Variants in TNIK observed in about 807,000 individuals in gnomAD.
TNIK encodes TRAF2 and NCK interacting kinase.
A neutral mutation model predicts 191.3 loss-of-function variants in TNIK; 49 were observed. The observed-to-expected ratio is 0.26, with a 90% CI of 0.20 to 0.32. The LOEUF (loss-of-function observed/expected upper bound fraction) is 0.32, where lower values mean the gene tolerates loss of function less well. Ranked by LOEUF, TNIK falls within the 10% of genes least tolerant of loss-of-function variation. TNIK has a pLI of 1.00. For missense variants in TNIK, 1,155 were observed against 1,702.3 expected (o/e 0.68, Z 5.66); for synonymous variants, 594 against 600.9 (o/e 0.99, Z 0.17).
chr3:171,093,225 G>T (rs1415608979), intron 23 of TNIK, among the ~76,000 whole-genome samples: 1 of 152,140 alleles, frequency 6.6e-6, no homozygotes, highest in African/African-American at 2.4e-5. Flanking sequence ...GTTACTGCAT[G>T]TCAGAAGGAC....
chr3:171,409,308 T>C (rs983841303), intron 1 of TNIK, among the ~76,000 whole-genome samples: 3 of 152,144 alleles, frequency 2.0e-5, no homozygotes, highest in African/African-American at 7.2e-5. Flanking sequence ...GGGGTGAAAC[T>C]TGCCTAACAA....
chr3:171,127,934 C>T (rs925872843), intron 16 of TNIK, among the ~76,000 whole-genome samples: 6 of 152,218 alleles, frequency 3.9e-5, no homozygotes, highest in African/African-American at 1.4e-4. Flanking sequence ...GAAGAAACTA[C>T]ATTATTTTTC....
rs1039304950 is a variant in TNIK, at chr3:171,460,308, G to A, written c.-245C>T. On this transcript the variant is annotated 5_prime_UTR_variant, in exon 1 of 33. Transcript: ENST00000436636. This position sits in a 1 kb window ranked among gnomAD's most constrained non-coding sequence, Gnocchi z 6.8. Reference sequence around the variant, plus strand: ...CCGAGCAGCGGTGCGTGTGGGCTGAGCGCCCCGATCGGCTAAGGGCGCTGG... The same window carrying A: ...CCGAGCAGCGGTGCGTGTGGGCTGAACGCCCCGATCGGCTAAGGGCGCTGG... 19 of 582,280 alleles carry A rather than the reference G, an allele frequency of 3.3e-5. No homozygotes were observed. The highest frequency in any genetic ancestry group is 5.8e-5 in the Non-Finnish European group (19 of 329,934). 36.1% of individuals were successfully genotyped at this position (582,280 alleles called of 1,614,324 possible). A position where few individuals can be genotyped will look rare whatever the true frequency, so the allele number is the denominator to read the frequency against.
chr3:171,132,216 A>G (rs1729404515), intron 15 of TNIK, among the ~76,000 whole-genome samples: 1 of 152,226 alleles, frequency 6.6e-6, no homozygotes, highest in African/African-American at 2.4e-5. Flanking sequence ...GTTATAAATG[A>G]TTTCACAGTA....
intron 7 of TNIK, among the ~76,000 whole-genome samples, chr3:171,184,020 T>C (rs2108809890): frequency 6.6e-6 from 1 of 151,938 alleles, no homozygotes; most frequent in South Asian, 2.1e-4. Context: ...GTACTATATA[T>C]TGAGTACTTA....
chr3:171,289,249 T>C (rs1220458814), intron 2 of TNIK, among the ~76,000 whole-genome samples: 5 of 152,194 alleles, frequency 3.3e-5, no homozygotes, highest in South Asian at 2.1e-4. Context: ...ATATTCAACC[T>C]CTCTTGGCCT....
chr3:171,170,233 T>TAC, intron 9 of TNIK, among the ~76,000 whole-genome samples: 1 of 152,364 alleles, frequency 6.6e-6, no homozygotes, highest in East Asian at 1.9e-4. Flanking sequence ...GATTGGTACC[T>TAC]ACAGTCTGAT....
chr3:171,116,192 C>A (rs563710491), intron 18 of TNIK, among the ~76,000 whole-genome samples: 6 of 152,074 alleles, frequency 3.9e-5, no homozygotes, highest in Admixed American at 3.9e-4. Flanking sequence ...TCACATTTTT[C>A]TCTCCTTCAT....
At chr3:171,165,455 T>C (rs2108750170) in intron 10 of TNIK, among the ~76,000 whole-genome samples, 1 of 149,370 alleles carries the variant, frequency 6.7e-6, no homozygotes, top group East Asian at 2.0e-4. Context: ...TTCTGGAACC[T>C]TCACTGAGAT....
At chr3:171,452,998 T>A (rs1319569742) in intron 1 of TNIK, among the ~76,000 whole-genome samples, 1 of 152,148 alleles carries the variant, frequency 6.6e-6, no homozygotes, top group Non-Finnish European at 1.5e-5. Flanking sequence ...TCATGCAACC[T>A]AGACTATAAT....
At chr3:171,250,007 G>A (rs1233861541) in intron 2 of TNIK, among the ~76,000 whole-genome samples, 1 of 152,220 alleles carries the variant, frequency 6.6e-6, no homozygotes, top group Non-Finnish European at 1.5e-5. Flanking sequence ...CTAATGAAGA[G>A]AGCAAAGCAC....
chr3:171,134,190 A>C (rs1729676321), intron 15 of TNIK, among the ~76,000 whole-genome samples: 1 of 152,250 alleles, frequency 6.6e-6, no homozygotes, highest in Non-Finnish European at 1.5e-5. Context: ...TCAACAGAAC[A>C]TCATACTGAT....
At chr3:171,433,254 T>C (rs962640751) in intron 1 of TNIK, among the ~76,000 whole-genome samples, 16 of 152,182 alleles carry the variant, frequency 1.1e-4, no homozygotes, top group African/African-American at 3.9e-4. Flanking sequence ...ACATCATTTA[T>C]GGCTGTAAAA....
chr3:171,128,854 G>C lies in TNIK; in HGVS notation c.1633C>G (p.Arg545Gly). The change falls in exon 16 of 33, where the codon CGG (arginine) becomes GGG (glycine). Residue 545 changes from arginine to glycine, a missense_variant. Around this residue, in one of 3 missense-constraint regions of TNIK, gnomAD observed 735 missense variants for 848.0 expected, o/e 0.87. Coordinates refer to ENST00000436636, the MANE Select transcript of TNIK (RefSeq NM_015028.4). ...TGAGGCATGGCAGGGGAACTTTGCC[G>C]GTTGAGCCTTGACCGTTCTTCTACC... ...KEVEERSRLN[R>G]QSSPAMPHKV... The C allele has an allele frequency of 6.4e-7, 1 of 1,559,764 alleles. No individual in the cohort carries two copies. Among genetic ancestry groups the C allele is most frequent in the Non-Finnish European group, 8.7e-7 (1 of 1,154,640 alleles).
Position 171,235,098 on chromosome 3 carries a change from G to A in TNIK, c.124-6877C>T, listed in dbSNP as rs182346335. ...ACTCTGTTGCCCAGGCTGGAGTACA[G>A]TGGCGCTGTCTCGGCCCACTGCAAT... On this transcript the variant is annotated intron_variant, in intron 2 of 32. Coordinates refer to ENST00000436636, the MANE Select transcript of TNIK (RefSeq NM_015028.4). 2.9e-3 allele frequency among the ~76,000 whole-genome samples: 445 copies of A among 152,252 alleles called. 2 individuals carry two copies. The highest frequency in any genetic ancestry group is 0.01 in the African/African-American group (432 of 41,534).
At chr3:171,253,556 T>C (rs1746496758) in intron 2 of TNIK, among the ~76,000 whole-genome samples, 1 of 149,734 alleles carries the variant, frequency 6.7e-6, no homozygotes, top group African/African-American at 2.5e-5. Context: ...TAGATCTGCC[T>C]GAAAAAAAAA....
At chr3:171,130,102 A>AT (rs1327923295) in intron 15 of TNIK, among the ~76,000 whole-genome samples, 3 of 152,152 alleles carry the variant, frequency 2.0e-5, no homozygotes, top group Admixed American at 1.3e-4. Context: ...CTGTTTGCAT[A>AT]TTTTTTATGT....
At chr3:171,166,165 G>A (rs1281393885) in intron 10 of TNIK, among the ~76,000 whole-genome samples, 1 of 152,142 alleles carries the variant, frequency 6.6e-6, no homozygotes, top group Non-Finnish European at 1.5e-5. Flanking sequence ...TGACTCATGA[G>A]TTGTTAATTG....
In TNIK at chr3:171,189,744, A is replaced by G. The variant is rs184149079; in HGVS notation, c.509-912T>C. On this transcript the variant is annotated intron_variant, in intron 6 of 32. Coordinates refer to ENST00000436636, the MANE Select transcript of TNIK (RefSeq NM_015028.4). ...TTGTACAGGGCCTGGCATATAATAT[A>G]TACTCAACAAGTAACTGTTAATTAG... is the stretch of plus-strand genomic sequence containing the variant. Among the ~76,000 whole-genome samples the G allele has an allele frequency of 1.2e-3, 184 of 152,316 alleles. 1 individual carries two copies. Among genetic ancestry groups the G allele is most frequent in the African/African-American group, 4.2e-3 (176 of 41,560 alleles).
Sources: gnomAD v4.1 joint callset for allele counts (sites outside exome capture counted in the v4.1 genomes callset) on GRCh38, gnomAD v4.1.1 for gene constraint, gnomAD v4.1.1 regional missense constraint, Gnocchi (gnomAD v3.1) non-coding constraint, MANE v1.5 for transcripts, NCBI Gene and HGNC (gene_info 2026-07-23, HGNC 2026-07-21) for gene names.